GLT6D1: variants seen among roughly 807,000 people sequenced by gnomAD.
GLT6D1 encodes glycosyltransferase 6 domain containing 1, also known as putative glycosyltransferase 6 domain-containing protein 1.
Under a neutral mutation model 12.3 loss-of-function variants are expected in GLT6D1, and 9 were observed. The observed-to-expected ratio is 0.73, with a 90% CI of 0.44 to 1.27. The LOEUF is 1.27. GLT6D1 is among the 50% of genes most tolerant of loss of function. The pLI is 0.00. For synonymous variants in GLT6D1, 128 were observed against 132.3 expected (o/e 0.97, Z 0.23); for missense variants, 335 against 346.2 (o/e 0.97, Z 0.26).
intron 4 of GLT6D1, among the ~76,000 whole-genome samples, chr9:135,625,089 T>A (rs1833477143): frequency 1.3e-5 from 2 of 152,134 alleles, no homozygotes; most frequent in East Asian, 3.9e-4. Flanking sequence ...GGCGGCTGAA[T>A]GCACTCACAT....
chr9:135,640,446 C>T (rs537799256), upstream of GLT6D1, among the ~76,000 whole-genome samples: 8 of 152,020 alleles, frequency 5.3e-5, no homozygotes, highest in South Asian at 1.5e-3. Context: ...ACAGGCTGGG[C>T]GTGGTGGCTC....
Position 135,632,666 on chromosome 9 carries a change from ATTT to A in GLT6D1, c.72-1191_72-1189del, listed in dbSNP as rs5901081. On this transcript the variant is annotated intron_variant, in intron 2 of 4. Transcript: ENST00000371763. ...AAGAAAAAAATCACCCTCGACAGAG[ATTT>A]TTTTTTTTTTTTTTTCGAGACAGAG... Among the ~76,000 whole-genome samples, 251 of 138,372 alleles carry A rather than the reference ATTT, an allele frequency of 1.8e-3. 1 individual carries two copies. The highest frequency in any genetic ancestry group is 4.0e-3 in the African/African-American group (150 of 37,176). The allele number at this position is 138,372 out of a possible 152,430, so 90.8% of individuals were successfully genotyped here.
rs530215645 is a variant in GLT6D1 at position 135,623,946 on chromosome 9, C to T, written c.*151G>A. On this transcript the variant is annotated 3_prime_UTR_variant, in exon 5 of 5. Coordinates refer to ENST00000371763, the MANE Select transcript of GLT6D1 (RefSeq NM_182974.3). ...AAATGGAAGGTCTTAAGACTTCCCTCATTTATAAGAAATTGCCGTGATTCA... is the reference window on the plus strand; with the variant it reads ...AAATGGAAGGTCTTAAGACTTCCCTTATTTATAAGAAATTGCCGTGATTCA... The T allele has an allele frequency of 3.4e-6, 2 of 584,212 alleles. No individual in the cohort carries two copies. Among genetic ancestry groups the T allele is most frequent in the Admixed American group, 3.5e-5 (1 of 28,254 alleles). 36.2% of individuals were successfully genotyped at this position (584,212 alleles called of 1,614,324 possible). A position where few individuals can be genotyped will look rare whatever the true frequency, so the allele number is the denominator to read the frequency against.
chr9:135,626,650 T>C (rs1430092872), intron 3 of GLT6D1, among the ~76,000 whole-genome samples: 1 of 152,192 alleles, frequency 6.6e-6, no homozygotes, highest in Non-Finnish European at 1.5e-5. Flanking sequence ...AATGCCTTTA[T>C]TTTTCCCTCC....
chr9:135,627,301 T>C (rs1273484666), intron 3 of GLT6D1, among the ~76,000 whole-genome samples: 1 of 152,134 alleles, frequency 6.6e-6, no homozygotes, highest in Non-Finnish European at 1.5e-5. Flanking sequence ...GGATACAAGA[T>C]CAGCACATTA....
chr9:135,633,529 A>G (rs867474464), intron 2 of GLT6D1, among the ~76,000 whole-genome samples: 1 of 152,220 alleles, frequency 6.6e-6, no homozygotes, highest in South Asian at 2.1e-4. Flanking sequence ...TGCTGGGACT[A>G]CAGGTATGAG....
At chr9:135,635,170 C>T (rs1181630283) in intron 2 of GLT6D1, among the ~76,000 whole-genome samples, 1 of 152,126 alleles carries the variant, frequency 6.6e-6, no homozygotes, top group East Asian at 1.9e-4. Context: ...TCAGTATGAA[C>T]TTGTGGAAGT....
At chr9:135,627,859 A>G in intron 3 of GLT6D1, among the ~76,000 whole-genome samples, 1 of 152,228 alleles carries the variant, frequency 6.6e-6, no homozygotes, top group East Asian at 1.9e-4. Context: ...CAGCCATCCT[A>G]CTTTATACAT....
intron 2 of GLT6D1, among the ~76,000 whole-genome samples, chr9:135,632,398 C>T (rs1042083526): frequency 2.0e-5 from 3 of 152,164 alleles, no homozygotes; most frequent in African/African-American, 7.2e-5. Flanking sequence ...GACTGTCCGT[C>T]CCCCTTTCTG....
intron 2 of GLT6D1, among the ~76,000 whole-genome samples, chr9:135,637,008 A>G (rs1267045991): frequency 6.6e-6 from 1 of 151,950 alleles, no homozygotes; most frequent in African/African-American, 2.4e-5. Flanking sequence ...ATGCACCACC[A>G]TGCCCAGGTA....
chr9:135,634,466 G>GTTTTTA (rs1294318573), intron 2 of GLT6D1, among the ~76,000 whole-genome samples: 1 of 15,854 alleles, frequency 6.3e-5, no homozygotes, highest in South Asian at 2.3e-3. Context: ...TTTTTTTTTG[G>GTTTTTA]CATGATTTAT....
Position 135,624,473 on chromosome 9 carries a change from T to C in GLT6D1, c.455A>G (p.Lys152Arg). The change falls in exon 5 of 5, where the codon AAG becomes AGG. Residue 152 changes from lysine (K) to arginine (R), a missense_variant. Lys to Arg is a conservative substitution (Grantham distance 26). Coordinates refer to ENST00000371763, the MANE Select transcript of GLT6D1 (RefSeq NM_182974.3). ...WWLDGPLVHV[K>R]SLGEHIASHI... ...ACTGGCGATGTGTTCACCCAGGCTC[T>C]TCACATGCACCAGGGGGCCATCGAG... 1.2e-6 allele frequency: 2 copies of C among 1,613,678 alleles called. No individual in the cohort carries two copies. Among genetic ancestry groups the C allele is most frequent in the Non-Finnish European group, 1.7e-6 (2 of 1,179,882 alleles).
chr9:135,624,261 C>T lies in GLT6D1; in HGVS notation c.667G>A (p.Gly223Arg), dbSNP rs1833428967. 1.2e-6 allele frequency: 2 copies of T among 1,603,926 alleles called. No individual in the cohort carries two copies. Among genetic ancestry groups the T allele is most frequent in the African/African-American group, 2.7e-5 (2 of 74,442 alleles). ...TSAACIPFGQ[G>R]DFYYGNLMVG... ...ATCAAGTTGCCATAATAGAAATCTC[C>T]CTGTCCAAACGGGATGCAAGCTGCT... Residue 223 changes from glycine (G) to arginine (R), a missense_variant, in exon 5 of 5, where the codon GGA becomes AGA. By Grantham distance (125) the Gly-to-Arg change is moderately radical. Coordinates refer to ENST00000371763, the MANE Select transcript of GLT6D1 (RefSeq NM_182974.3).
At chr9:135,631,836 TG>T (rs1363846688) in intron 2 of GLT6D1, among the ~76,000 whole-genome samples, 10 of 152,254 alleles carry the variant, frequency 6.6e-5, no homozygotes, top group Non-Finnish European at 1.3e-4. Flanking sequence ...TTCTGCTCTA[TG>T]TTGTAAAGAG....
rs114331488 is a variant in GLT6D1 at position 135,639,302 on chromosome 9, T to C, written c.-16A>G. ...GGCATTGGACACCAACCTTAGAGGT[T>C]GCTTCTAGAATGTTCAGCTGGCAGG... On this transcript the variant is annotated 5_prime_UTR_variant, in exon 1 of 5. Transcript: ENST00000371763. The C allele has an allele frequency of 1.4e-3, 873 of 608,426 alleles. 9 individuals carry two copies. The African/African-American group carries it at 0.015, about 10-fold the overall frequency. The allele number at this position is 608,426 out of a possible 1,614,324, so 37.7% of individuals were successfully genotyped here.
In GLT6D1 at chr9:135,624,239, A is replaced by C. The variant is rs1486896498; in HGVS notation, c.689T>G (p.Leu230Trp). The C allele has an allele frequency of 6.2e-7, 1 of 1,605,914 alleles. No individual in the cohort carries two copies. Among genetic ancestry groups the C allele is most frequent in the African/African-American group, 1.3e-5 (1 of 74,610 alleles). Residue 230 changes from leucine to tryptophan, a missense_variant, in exon 5 of 5, where the codon TTG becomes TGG. By Grantham distance (61) the Leu-to-Trp change is moderately conservative. Transcript: ENST00000371763. ...FGQGDFYYGN[L>W]MVGGTPHNIL... is the part of the protein sequence containing the mutation. ...ATTATGGGGTGTGCCACCAACCATCAAGTTGCCATAATAGAAATCTCCCTG... is the reference window on the plus strand; with the variant it reads ...ATTATGGGGTGTGCCACCAACCATCCAGTTGCCATAATAGAAATCTCCCTG...
Position 135,631,184 on chromosome 9 carries a change from C to T in GLT6D1, c.119+247G>A, listed in dbSNP as rs73667670. 5.0e-3 allele frequency among the ~76,000 whole-genome samples: 761 copies of T among 152,316 alleles called. 8 individuals are homozygous for T. Among genetic ancestry groups the T allele is most frequent in the African/African-American group, 0.017 (719 of 41,572 alleles). On this transcript the variant is annotated intron_variant, in intron 3 of 4. Coordinates refer to ENST00000371763, the MANE Select transcript of GLT6D1 (RefSeq NM_182974.3). ...CATATTCAAGCTGGTTCCGAAGAGA[C>T]TTTCTCGCACTGCATAAACCAGGAA...
At chr9:135,637,662 C>T (rs1412920694) in intron 2 of GLT6D1, among the ~76,000 whole-genome samples, 5 of 152,116 alleles carry the variant, frequency 3.3e-5, no homozygotes, top group East Asian at 3.9e-4. Flanking sequence ...AGCATCTTGG[C>T]GTTCGCTTAT....
chr9:135,627,185 C>T (rs777180180), intron 3 of GLT6D1, among the ~76,000 whole-genome samples: 29 of 152,026 alleles, frequency 1.9e-4, no homozygotes, highest in Middle Eastern at 3.4e-3. Flanking sequence ...AAAACAACAC[C>T]GTCCCTATTT....
Sources: gnomAD v4.1 joint callset for allele counts (sites outside exome capture counted in the v4.1 genomes callset) on GRCh38, gnomAD v4.1.1 for gene constraint, MANE v1.5 for transcripts, NCBI Gene and HGNC (gene_info 2026-07-23, HGNC 2026-07-21) for gene names.